The following RIC1 variants were observed in gnomAD, a reference collection of about 807,000 sequenced individuals.
RIC1 encodes RIC1 partner of RAB6A GEF complex.
In RIC1, 88 loss-of-function variants were observed where a neutral mutation model predicts 169.0. That is an observed-to-expected ratio of 0.52 (90% CI 0.44 to 0.62). The LOEUF is 0.62. Ranked by LOEUF, RIC1 falls within the 20% of genes least tolerant of loss-of-function variation. The pLI is 0.00. For synonymous variants in RIC1, 790 were observed against 601.5 expected, an observed-to-expected ratio of 1.31 and a Z score of -4.59; for missense variants, 1,877 against 1,725.5, an observed-to-expected ratio of 1.09 and a Z score of -1.56.
At chr9:5,743,075 A>G in intron 9 of RIC1, 62 bp downstream of exon 9, 1 of 1,490,832 alleles carries the variant, frequency 6.7e-7, no homozygotes, top group Non-Finnish European at 9.1e-7. Flanking sequence ...ATGCATGCAT[A>G]CAAAAACCTT....
At chr9:5,656,984 A>G (rs1355280200) in intron 2 of RIC1, among the ~76,000 whole-genome samples, 12 of 151,824 alleles carry the variant, frequency 7.9e-5, no homozygotes, top group Admixed American at 7.9e-4. Context: ...TGCTTTACTA[A>G]TTATTCTGTG....
chr9:5,760,219 T>G (rs1826246202), intron 17 of RIC1, among the ~76,000 whole-genome samples: 1 of 152,066 alleles, frequency 6.6e-6, no homozygotes, highest in Non-Finnish European at 1.5e-5. Flanking sequence ...CTGCCAGGGG[T>G]TTTTTTAGGG....
intron 1 of RIC1, among the ~76,000 whole-genome samples, chr9:5,636,234 CA>C (rs1817964964): frequency 6.6e-6 from 1 of 152,148 alleles, no homozygotes; most frequent in Non-Finnish European, 1.5e-5. Context: ...TTTATTTCAT[CA>C]GCATTTTATG....
intron 2 of RIC1, among the ~76,000 whole-genome samples, chr9:5,665,808 T>G (rs1319898499): frequency 1.3e-5 from 2 of 152,156 alleles, no homozygotes; most frequent in African/African-American, 4.8e-5. Flanking sequence ...CTCCTTCTTC[T>G]TTGGAAGCTC....
intron 7 of RIC1, among the ~76,000 whole-genome samples, chr9:5,737,216 C>G (rs531109081): frequency 6.6e-5 from 10 of 151,570 alleles, no homozygotes; most frequent in Non-Finnish European, 1.0e-4. Context: ...CCTCGTAGTT[C>G]AATTTTGAAA....
At chr9:5,754,725 T>A in intron 14 of RIC1, 116 bp from the exon 15 acceptor site, 1 of 591,468 alleles carries the variant, frequency 1.7e-6, no homozygotes. Context: ...AGTGAGACTG[T>A]CTCAAAAAAT....
intron 17 of RIC1, 116 bp downstream of exon 17, chr9:5,757,567 T>C (rs1450049890): frequency 5.6e-6 from 6 of 1,074,162 alleles, no homozygotes; most frequent in African/African-American, 3.2e-5. Context: ...ATGTACCTTA[T>C]ATGAGAATGC....
rs543774904 is a variant in RIC1, at chr9:5,716,654, G to T, written c.440+2651G>T. 7.8e-4 allele frequency among the ~76,000 whole-genome samples: 119 copies of T among 152,182 alleles called. 1 individual carries two copies. The highest frequency in any genetic ancestry group is 2.8e-3 in the African/African-American group (116 of 41,526). On this transcript the variant is annotated intron_variant, in intron 4 of 25. Transcript: ENST00000414202. ...AACCAATACAGCATGAAAAGACATG[G>T]GTTATTAGTTATCGAACAGGGTTCT... is the stretch of plus-strand genomic sequence containing the variant.
chr9:5,694,630 T>C (rs1051061864), intron 3 of RIC1, among the ~76,000 whole-genome samples: 2 of 152,154 alleles, frequency 1.3e-5, no homozygotes, highest in East Asian at 3.8e-4. Context: ...ATATAAGTTC[T>C]GGATAGTGAA....
At chr9:5,728,608 C>G (rs1380087659) in intron 6 of RIC1, among the ~76,000 whole-genome samples, 1 of 152,220 alleles carries the variant, frequency 6.6e-6, no homozygotes, top group African/African-American at 2.4e-5. Flanking sequence ...AATCACCCAT[C>G]CTCTGCATCA....
chr9:5,659,454 G>T (rs74355531), intron 2 of RIC1, among the ~76,000 whole-genome samples: 1 of 152,040 alleles, frequency 6.6e-6, no homozygotes, highest in Non-Finnish European at 1.5e-5. Context: ...TCATAATGTC[G>T]TAAGTTGAAC....
At chr9:5,754,142 T>G (rs1825869781) in intron 14 of RIC1, among the ~76,000 whole-genome samples, 1 of 152,190 alleles carries the variant, frequency 6.6e-6, no homozygotes, top group Admixed American at 6.5e-5. Flanking sequence ...ATATGTTATC[T>G]TACTCATCTG....
rs551239629 is a variant in RIC1 at position 5,712,005 on chromosome 9, T to G, written c.333-1891T>G. ...GAACATTTGGGTTGGTTCCAAGTCT[T>G]TGCTATTGTGAGTAGTGCCGCAATA... On this transcript the variant is annotated intron_variant, in intron 3 of 25. Coordinates refer to ENST00000414202, the MANE Select transcript of RIC1 (RefSeq NM_020829.4). 1.6e-4 allele frequency among the ~76,000 whole-genome samples: 25 copies of G among 152,288 alleles called. 1 individual carries two copies. The South Asian group carries it at 5.2e-3, about 32-fold the overall frequency.
rs760373083 is a variant in RIC1, at chr9:5,753,553, G to A, written c.1509G>A (p.Lys503=). ...TTAAACAGTTTTCAGCTATTGATAA[G>A]CTTGGACAGAATATTGCTGTGGTTG... ...NWPIRFSAID[K]LGQNIAVVGK... The change falls in exon 14 of 26, where the codon AAG becomes AAA. Residue 503 remains lysine (K), a synonymous_variant. Coordinates refer to ENST00000414202, the MANE Select transcript of RIC1 (RefSeq NM_020829.4). 6 of 1,605,588 alleles carry A rather than the reference G, an allele frequency of 3.7e-6. No individual in the cohort carries two copies. Among genetic ancestry groups the A allele is most frequent in the Non-Finnish European group, 5.1e-6 (6 of 1,176,298 alleles).
At chr9:5,719,622 G>A (rs1001053630) in intron 4 of RIC1, 4 of 152,306 alleles carry the variant, frequency 2.6e-5, no homozygotes, top group African/African-American at 7.2e-5. Flanking sequence ...AGTCACACAT[G>A]AATTTATTTA....
intron 6 of RIC1, among the ~76,000 whole-genome samples, chr9:5,727,669 T>G (rs944328870): frequency 1.3e-5 from 2 of 152,226 alleles, no homozygotes; most frequent in African/African-American, 4.8e-5. Flanking sequence ...TCCCCATCTT[T>G]GGTTTTATCT....
chr9:5,771,164 C>T (rs1203084037), intron 23 of RIC1, among the ~76,000 whole-genome samples: 5 of 152,162 alleles, frequency 3.3e-5, no homozygotes, highest in South Asian at 2.1e-4. Flanking sequence ...CTCCAGAATG[C>T]TCTTCATCTT....
At chr9:5,656,486 A>G in intron 1 of RIC1, 97 bp from the exon 2 acceptor site, 1 of 554,944 alleles carries the variant, frequency 1.8e-6, no homozygotes, top group South Asian at 3.6e-5. Flanking sequence ...TTTTACTGTA[A>G]AAATACTTTG....
intron 4 of RIC1, among the ~76,000 whole-genome samples, chr9:5,716,488 C>T (rs1360023067): frequency 6.6e-6 from 1 of 152,122 alleles, no homozygotes; most frequent in Non-Finnish European, 1.5e-5. Flanking sequence ...TGGCACACGC[C>T]TGTACTCCCA....
Sources: allele counts gnomAD v4.1 joint callset (sites outside exome capture counted in the v4.1 genomes callset), GRCh38; gene constraint gnomAD v4.1.1; transcripts MANE v1.5; gene names NCBI Gene and HGNC (gene_info 2026-07-23, HGNC 2026-07-21).